RPS6KA2: variants seen among roughly 807,000 people sequenced by gnomAD.
RPS6KA2 encodes ribosomal protein S6 kinase A2, also known as ribosomal protein S6 kinase alpha-2.
RPS6KA2 carries 42 observed loss-of-function variants against 91.8 expected under a neutral mutation model. The ratio of observed to expected loss-of-function variants is 0.46; its 90% confidence interval spans 0.36 to 0.59. RPS6KA2 has a LOEUF of 0.59. RPS6KA2 is among the 20% of genes least tolerant of loss of function. The pLI is 0.00. For missense variants in RPS6KA2, 798 were observed against 978.5 expected, an observed-to-expected ratio of 0.82 and a Z score of 2.46; for synonymous variants, 414 against 393.6, an observed-to-expected ratio of 1.05 and a Z score of -0.61.
At chr6:166,699,692 C>A (rs1254176984) in intron 2 of RPS6KA2, among the ~76,000 whole-genome samples, 6 of 152,160 alleles carry the variant, frequency 3.9e-5, no homozygotes, top group Admixed American at 2.6e-4. Context: ...AAGGAGTGAG[C>A]AAATGAGTTC....
Position 166,626,780 on chromosome 6 carries a change from T to G in RPS6KA2, c.99+141A>C. 1.5e-6 allele frequency: 1 copy of G among 676,362 alleles called. No homozygotes were observed. Among genetic ancestry groups the G allele is most frequent in the Non-Finnish European group, 2.1e-6 (1 of 473,116 alleles). The allele number at this position is 676,362 out of a possible 1,614,324, so 41.9% of individuals were successfully genotyped here. On this transcript the variant is annotated intron_variant, in intron 1 of 20. Transcript: ENST00000265678. The surrounding 1 kb of genome is among the most constrained non-coding windows in gnomAD (Gnocchi z 4.1). ...TAACGTTTGGAGCCGTTTGGTTCGA[T>G]TTTCGGAACCGGACCAGCTTTCCAG... is the stretch of plus-strand genomic sequence containing the variant.
chr6:166,842,834 C>T (rs1324736787), intron 2 of RPS6KA2, among the ~76,000 whole-genome samples: 2 of 152,148 alleles, frequency 1.3e-5, no homozygotes, highest in Admixed American at 6.5e-5. Flanking sequence ...GTGGAGAGAC[C>T]CACATCGTGA....
intron 5 of RPS6KA2, among the ~76,000 whole-genome samples, chr6:166,507,202 GC>G (rs1259735290): frequency 6.6e-6 from 1 of 152,050 alleles, no homozygotes; most frequent in Non-Finnish European, 1.5e-5. Flanking sequence ...TTTCCCAGCC[GC>G]TCCTACCCAC....
At chr6:166,842,064 A>T (rs1308518813) in intron 2 of RPS6KA2, among the ~76,000 whole-genome samples, 1 of 152,160 alleles carries the variant, frequency 6.6e-6, no homozygotes, top group Non-Finnish European at 1.5e-5. Flanking sequence ...AGCAAAAATC[A>T]TGATAAAAAA....
At chr6:166,487,027 T>C (rs1259950888) in intron 10 of RPS6KA2, among the ~76,000 whole-genome samples, 1 of 152,254 alleles carries the variant, frequency 6.6e-6, no homozygotes, top group East Asian at 1.9e-4. Flanking sequence ...GATTTCCTTA[T>C]TGATTGATGC....
At chr6:166,675,157 C>T (rs28513294) in intron 2 of RPS6KA2, among the ~76,000 whole-genome samples, 1 of 152,110 alleles carries the variant, frequency 6.6e-6, no homozygotes, top group African/African-American at 2.4e-5. Context: ...TGCCAGCAAG[C>T]GGAGGGCACT....
chr6:166,521,129 C>T (rs1234283487), intron 3 of RPS6KA2, among the ~76,000 whole-genome samples: 1 of 152,242 alleles, frequency 6.6e-6, no homozygotes, highest in Non-Finnish European at 1.5e-5. Flanking sequence ...CAAAGGCTGG[C>T]AGTGACTGTG....
chr6:166,832,647 A>G (rs1780217527), intron 2 of RPS6KA2, among the ~76,000 whole-genome samples: 2 of 152,210 alleles, frequency 1.3e-5, no homozygotes, highest in South Asian at 4.1e-4. Context: ...GCAGTGCCCC[A>G]CAGTTTAAAT....
At chr6:166,769,979 C>G (rs1562429050) in intron 2 of RPS6KA2, among the ~76,000 whole-genome samples, 1 of 152,224 alleles carries the variant, frequency 6.6e-6, no homozygotes, top group Non-Finnish European at 1.5e-5. Flanking sequence ...GCCAGAAAAT[C>G]AGGAGTATTT....
intron 1 of RPS6KA2, among the ~76,000 whole-genome samples, chr6:166,549,295 C>T (rs746651301): frequency 7.2e-5 from 11 of 152,172 alleles, no homozygotes; most frequent in South Asian, 2.1e-4. Context: ...TCCCAGCAAA[C>T]GTATTCCAGG....
chr6:166,553,509 T>C (rs1583273803), intron 1 of RPS6KA2, among the ~76,000 whole-genome samples: 1 of 133,474 alleles, frequency 7.5e-6, no homozygotes. Flanking sequence ...GAAACAGGAG[T>C]CATTTAAAAA....
intron 2 of RPS6KA2, among the ~76,000 whole-genome samples, chr6:166,681,690 G>GCCCCCC (rs66580252): frequency 1.0e-4 from 6 of 57,568 alleles, no homozygotes; most frequent in African/African-American, 6.3e-4. Flanking sequence ...CCCCCTGCCC[G>GCCCCCC]CCCCCCCCCC....
intron 3 of RPS6KA2, 43 bp from the exon 4 acceptor site, chr6:166,510,400 A>G: frequency 7.5e-7 from 1 of 1,326,660 alleles, no homozygotes; most frequent in Non-Finnish European, 1.1e-6. Flanking sequence ...GCAGGAAATA[A>G]GAGTTCTGAG....
Position 166,495,400 on chromosome 6 carries a change from T to C in RPS6KA2, c.747+3108A>G, listed in dbSNP as rs1781751491. On this transcript the variant is annotated intron_variant, in intron 8 of 20. Transcript: ENST00000265678. This position sits in a 1 kb window ranked among gnomAD's most constrained non-coding sequence, Gnocchi z 4.4. ...AACAAGTGAACAATTCAGTAAGAAA[T>C]GTCCTGTGCCCAGGGAGGCACGTGG... Among the ~76,000 whole-genome samples, 1 of 152,120 alleles carries C rather than the reference T, an allele frequency of 6.6e-6. No individual in the cohort carries two copies. Among genetic ancestry groups the C allele is most frequent in the African/African-American group, 2.4e-5 (1 of 41,402 alleles).
At chr6:166,527,257 G>A (rs1562557532) in intron 3 of RPS6KA2, among the ~76,000 whole-genome samples, 1 of 152,164 alleles carries the variant, frequency 6.6e-6, no homozygotes, top group African/African-American at 2.4e-5. Flanking sequence ...TGGCGGGGGA[G>A]GGTGAGGCCA....
chr6:166,805,484 C>A (rs543715229), intron 2 of RPS6KA2, among the ~76,000 whole-genome samples: 28 of 152,244 alleles, frequency 1.8e-4, no homozygotes, highest in African/African-American at 6.3e-4. Flanking sequence ...TGAAGACCAG[C>A]ATATTAAGAA....
chr6:166,649,117 C>T (rs1465806988), intron 2 of RPS6KA2, among the ~76,000 whole-genome samples: 1 of 152,186 alleles, frequency 6.6e-6, no homozygotes, highest in Non-Finnish European at 1.5e-5. Flanking sequence ...TTTGTCACAC[C>T]AGCCTCAAGC....
At chr6:166,538,001 C>T (rs1447127493) in intron 2 of RPS6KA2, among the ~76,000 whole-genome samples, 1 of 152,172 alleles carries the variant, frequency 6.6e-6, no homozygotes, top group East Asian at 1.9e-4. Flanking sequence ...TTCTCATTTC[C>T]TGAAAGAAAT....
Position 166,494,587 on chromosome 6 carries a change from G to A in RPS6KA2, c.748-3846C>T, listed in dbSNP as rs535100425. On this transcript the variant is annotated intron_variant, in intron 8 of 20. Coordinates refer to ENST00000265678, the MANE Select transcript of RPS6KA2 (RefSeq NM_021135.6). This position sits in a 1 kb window ranked among gnomAD's most constrained non-coding sequence, Gnocchi z 5.1. Reference sequence around the variant, plus strand: ...TAGAAACTGGCTCCAGCCTGGCGTAGAGGAGTGCTGGAAATTCTACAAATG... The same window carrying A: ...TAGAAACTGGCTCCAGCCTGGCGTAAAGGAGTGCTGGAAATTCTACAAATG... 1.3e-5 allele frequency among the ~76,000 whole-genome samples: 2 copies of A among 152,356 alleles called. No homozygotes were observed. Among genetic ancestry groups the A allele is most frequent in the Admixed American group, 6.5e-5 (1 of 15,310 alleles).
Sources: gnomAD v4.1 joint callset for allele counts (sites outside exome capture counted in the v4.1 genomes callset) on GRCh38, gnomAD v4.1.1 for gene constraint, Gnocchi (gnomAD v3.1) non-coding constraint, MANE v1.5 for transcripts, NCBI Gene and HGNC (gene_info 2026-07-23, HGNC 2026-07-21) for gene names.